Variants in PCGF5 observed in about 807,000 individuals in gnomAD.
PCGF5 encodes the protein polycomb group RING finger protein 5.
A neutral mutation model predicts 44.3 loss-of-function variants in PCGF5; 9 were observed. The observed-to-expected ratio is 0.20, with a 90% CI of 0.12 to 0.35. The LOEUF (loss-of-function observed/expected upper bound fraction) is 0.35, where lower values mean the gene tolerates loss of function less well. Ranked by LOEUF, PCGF5 falls within the 10% of genes least tolerant of loss-of-function variation. The probability of loss-of-function intolerance (pLI) is 1.00; values close to 1 mark genes in which losing one functional copy is unlikely to be tolerated. For missense variants in PCGF5, 146 were observed against 305.3 expected (o/e 0.48, Z 3.89); for synonymous variants, 95 against 102.5 (o/e 0.93, Z 0.44).
chr10:91,251,349 A>T lies in PCGF5; in HGVS notation c.383A>T (p.Asp128Val). 2 of 1,610,802 alleles carry T rather than the reference A, an allele frequency of 1.2e-6. No individual in the cohort carries two copies. The highest frequency in any genetic ancestry group is 1.7e-6 in the Non-Finnish European group (2 of 1,177,704). ...KVDEEGDENE[D>V]DKDYHRSDPQ... ...GATGAAGAAGGTGATGAAAATGAAG[A>T]TGATAAAGATTATCACAGAAGTGAC... The change falls in exon 6 of 10, where the codon GAT becomes GTT. Residue 128 changes from aspartate to valine, a missense_variant. Coordinates refer to ENST00000336126, the MANE Select transcript of PCGF5 (RefSeq NM_032373.5).
At chr10:91,168,536 A>G (rs149552721) in intron 1 of PCGF5, among the ~76,000 whole-genome samples, 235 of 152,242 alleles carry the variant, frequency 1.5e-3, no homozygotes, top group Middle Eastern at 6.8e-3. Context: ...GGAAATGGAG[A>G]AAGCAAATGT....
intron 7 of PCGF5, 120 bp from the exon 8 acceptor site, chr10:91,264,310 TA>T: frequency 1.3e-6 from 1 of 752,994 alleles, no homozygotes; most frequent in Non-Finnish European, 2.1e-6. Context: ...GCCTCCTATT[TA>T]AAATAATGGA....
chr10:91,256,576 T>C (rs1845758023), intron 6 of PCGF5, among the ~76,000 whole-genome samples: 6 of 152,164 alleles, frequency 3.9e-5, no homozygotes, highest in African/African-American at 1.4e-4. Context: ...ATGAAAAATA[T>C]TAAACATTTG....
At chr10:91,188,796 G>A (rs111675752) in intron 1 of PCGF5, among the ~76,000 whole-genome samples, 1 of 152,188 alleles carries the variant, frequency 6.6e-6, no homozygotes, top group African/African-American at 2.4e-5. Flanking sequence ...TTTGGAGCCT[G>A]TTGACCTACC....
chr10:91,217,094 C>G (rs1210173800), upstream of PCGF5, among the ~76,000 whole-genome samples: 3 of 151,880 alleles, frequency 2.0e-5, no homozygotes, highest in Non-Finnish European at 4.4e-5. Flanking sequence ...AGTGCAGTGG[C>G]ACGATCTTGG....
intron 8 of PCGF5, among the ~76,000 whole-genome samples, chr10:91,269,222 C>G (rs1846118921): frequency 6.6e-6 from 1 of 152,136 alleles, no homozygotes; most frequent in Non-Finnish European, 1.5e-5. Context: ...CCTGTAGTTT[C>G]CACATCTATA....
intron 8 of PCGF5, among the ~76,000 whole-genome samples, chr10:91,269,766 A>G (rs1448670057): frequency 3.3e-5 from 5 of 152,146 alleles, no homozygotes; most frequent in African/African-American, 1.2e-4. Context: ...CCAACACTGC[A>G]TATCATCTAT....
At chr10:91,162,879 GCGCCGCCGC>G (rs536747418), upstream of PCGF5, 1 of 147,478 alleles carries the variant, frequency 6.8e-6, no homozygotes, top group African/African-American at 2.5e-5. Flanking sequence ...GCCGCCGCCA[GCGCCGCCGC>G]CGCCGCCGCG....
At position 91,239,569 on chromosome 10, in the gene PCGF5, T is replaced by C. The variant is rs151157481; in HGVS notation, c.113-915T>C. Among the ~76,000 whole-genome samples, 11 of 152,320 alleles carry C rather than the reference T, an allele frequency of 7.2e-5. No homozygotes were observed. In the East Asian group the frequency reaches 1.9e-3, roughly 27 times the overall value. Reference sequence around the variant, plus strand: ...GGAGTAGGAGAGCCAATCTATACCATGTGAAAATTTCAGGTTATACGGGGT... The same window carrying C: ...GGAGTAGGAGAGCCAATCTATACCACGTGAAAATTTCAGGTTATACGGGGT... On this transcript the variant is annotated intron_variant, in intron 2 of 9. Coordinates refer to ENST00000336126, the MANE Select transcript of PCGF5 (RefSeq NM_032373.5).
chr10:91,269,915 A>G (rs1158580501), intron 8 of PCGF5, among the ~76,000 whole-genome samples: 5 of 151,934 alleles, frequency 3.3e-5, no homozygotes, highest in Admixed American at 6.6e-5. Context: ...TGTTACAGCT[A>G]TTTTCTTCCA....
At chr10:91,206,621 T>G (rs1844352033) in intron 1 of PCGF5, among the ~76,000 whole-genome samples, 1 of 152,148 alleles carries the variant, frequency 6.6e-6, no homozygotes, top group African/African-American at 2.4e-5. Context: ...GCAAGAACAC[T>G]GGGTAGGTAG....
At position 91,271,662 on chromosome 10, in the gene PCGF5, T is replaced by TCGCAAGTCC; in HGVS notation, c.696_697insCCGCAAGTC (p.Val232_Cys233insProGlnVal). 1.9e-6 allele frequency: 3 copies of TCGCAAGTCC among 1,613,992 alleles called. No individual in the cohort carries two copies. The highest frequency in any genetic ancestry group is 2.5e-6 in the Non-Finnish European group (3 of 1,179,910). On this transcript the variant is annotated inframe_insertion, in exon 9 of 10. Transcript: ENST00000336126. ...GTTTCGGTGTCTGAACTGCTCAGCT[T>TCGCAAGTCC]CGCAAGTCTGCTCTCAGGATGGCCC...
In PCGF5 at chr10:91,206,621, T is replaced by C. The variant is rs1844352033; in HGVS notation, c.-183-16068T>C. On this transcript the variant is annotated intron_variant, in intron 1 of 9. Transcript: ENST00000614189. ...AGTTGCCAGTCTGGAGCAAGAACACTGGGTAGGTAGAAATGGTAGGAGGCA... is the reference window on the plus strand; with the variant it reads ...AGTTGCCAGTCTGGAGCAAGAACACCGGGTAGGTAGAAATGGTAGGAGGCA... 2.0e-5 allele frequency among the ~76,000 whole-genome samples: 3 copies of C among 152,148 alleles called. No homozygotes were observed. In the South Asian group the frequency reaches 6.2e-4, roughly 32 times the overall value.
chr10:91,198,582 G>C (rs1195082080), intron 1 of PCGF5, among the ~76,000 whole-genome samples: 1 of 152,160 alleles, frequency 6.6e-6, no homozygotes, highest in Non-Finnish European at 1.5e-5. Context: ...TCTCTAGAAG[G>C]CAGACCTGCC....
At chr10:91,183,415 C>CTT (rs200887569) in intron 1 of PCGF5, among the ~76,000 whole-genome samples, 14 of 145,360 alleles carry the variant, frequency 9.6e-5, no homozygotes, top group African/African-American at 3.0e-4. Context: ...GCAACCTCTG[C>CTT]TTTTTTTTTT....
Position 91,284,227 on chromosome 10 carries a change from C to T in PCGF5, c.*5911C>T, listed in dbSNP as rs1287749222. The T allele has an allele frequency of 6.6e-6, 1 of 152,144 alleles. No homozygotes were observed. 9.4% of individuals were successfully genotyped at this position (152,144 alleles called of 1,614,324 possible). ...AAGTATATTTCACCATGTTAAAATACAGTATCTTTGTTATTAAAAATTAAA... is the reference window on the plus strand; with the variant it reads ...AAGTATATTTCACCATGTTAAAATATAGTATCTTTGTTATTAAAAATTAAA... On this transcript the variant is annotated 3_prime_UTR_variant, in exon 10 of 10. Coordinates refer to ENST00000336126, the MANE Select transcript of PCGF5 (RefSeq NM_032373.5).
chr10:91,237,164 A>G (rs923001011), intron 2 of PCGF5, among the ~76,000 whole-genome samples: 15 of 152,230 alleles, frequency 9.9e-5, no homozygotes, highest in Non-Finnish European at 5.9e-5. Flanking sequence ...ATAGGAATGT[A>G]GTAAAGATTA....
intron 1 of PCGF5, among the ~76,000 whole-genome samples, chr10:91,179,898 A>G (rs12256743): frequency 3.0e-3 from 455 of 152,220 alleles, no homozygotes; most frequent in African/African-American, 0.01. Flanking sequence ...TGGTATTTCT[A>G]TCTTTAGGTA....
intron 1 of PCGF5, among the ~76,000 whole-genome samples, chr10:91,199,946 T>TA (rs1281684767): frequency 1.3e-5 from 2 of 152,156 alleles, no homozygotes; most frequent in Admixed American, 6.5e-5. Flanking sequence ...ATAAAGGGTA[T>TA]AGTTTCAAGA....
Sources: gnomAD v4.1 joint callset for allele counts (sites outside exome capture counted in the v4.1 genomes callset) on GRCh38, gnomAD v4.1.1 for gene constraint, MANE v1.5 for transcripts, NCBI Gene and HGNC (gene_info 2026-07-23, HGNC 2026-07-21) for gene names.